MATN2: variants seen among roughly 807,000 people sequenced by gnomAD.
The protein encoded by MATN2 is matrilin-2.
Under a neutral mutation model 103.2 loss-of-function variants are expected in MATN2, and 69 were observed. That is an observed-to-expected ratio of 0.67 (90% CI 0.55 to 0.82). The LOEUF (loss-of-function observed/expected upper bound fraction) is 0.82. Ranked by LOEUF, MATN2 falls within the 40% of genes least tolerant of loss-of-function variation. The probability of loss-of-function intolerance (pLI) is 0.00; values close to 1 mark genes in which losing one functional copy is unlikely to be tolerated. For missense variants in MATN2, 1,023 were observed against 1,211.5 expected (o/e 0.84, Z 2.31); for synonymous variants, 429 against 450.2 (o/e 0.95, Z 0.60).
At chr8:97,941,946 A>T in intron 4 of MATN2, 47 bp downstream of exon 4, 2 of 1,600,096 alleles carry the variant, frequency 1.2e-6, no homozygotes, top group Non-Finnish European at 1.7e-6. Context: ...CTATTCCCTC[A>T]TCCTCTCCCT....
intron 6 of MATN2, among the ~76,000 whole-genome samples, chr8:97,981,015 A>C (rs1451042448): frequency 3.3e-5 from 5 of 149,946 alleles, no homozygotes; most frequent in Admixed American, 2.1e-4. Flanking sequence ...ATTTCTACAA[A>C]AACTGTTTTT....
intron 4 of MATN2, among the ~76,000 whole-genome samples, chr8:97,947,456 A>T (rs982937509): frequency 6.6e-6 from 1 of 152,244 alleles, no homozygotes; most frequent in Non-Finnish European, 1.5e-5. Context: ...AAATTACTTC[A>T]TTGTATTTCT....
At position 98,027,453 on chromosome 8, in the gene MATN2, C is replaced by T. The variant is rs763374430; in HGVS notation, c.1980C>T (p.Ile660=). 12 of 1,611,120 alleles carry T rather than the reference C, an allele frequency of 7.4e-6. No homozygotes were observed. The East Asian group carries it at 8.9e-5, about 12-fold the overall frequency. The change falls in exon 14 of 19, where the codon ATC becomes ATT. Residue 660 remains isoleucine, a synonymous_variant. Transcript: ENST00000254898. ...GCCCAATTGACCTGGTCTTTGTGAT[C>T]GATGGATCCAAGAGTCTTGGAGAAG... ...TEGPIDLVFV[I]DGSKSLGEEN...
At chr8:97,940,291 A>G (rs1810510715) in intron 3 of MATN2, among the ~76,000 whole-genome samples, 1 of 152,210 alleles carries the variant, frequency 6.6e-6, no homozygotes, top group Non-Finnish European at 1.5e-5. Flanking sequence ...AAAAATGAGA[A>G]AACTTCTATT....
At chr8:98,009,733 G>T (rs1439112196) in intron 10 of MATN2, among the ~76,000 whole-genome samples, 2 of 152,194 alleles carry the variant, frequency 1.3e-5, no homozygotes, top group South Asian at 2.1e-4. Flanking sequence ...CTCAGGGTGT[G>T]GGGGGTCGGG....
chr8:98,025,835 A>G lies in MATN2; in HGVS notation c.1943-1581A>G, dbSNP rs1046655040. ...TAACAAAAAGCCTCTCCACACCCAA[A>G]TTGCTTAACATAAAGCTTTTATTTC... On this transcript the variant is annotated intron_variant, in intron 13 of 18. Transcript: ENST00000254898. 6.5e-5 allele frequency: 24 copies of G among 372,008 alleles called. No individual in the cohort carries two copies. In the East Asian group the frequency reaches 1.0e-3, roughly 16 times the overall value. 23.0% of individuals were successfully genotyped at this position (372,008 alleles called of 1,614,324 possible). A position where few individuals can be genotyped will look rare whatever the true frequency, so the allele number is the denominator to read the frequency against.
In MATN2 at chr8:97,914,546, T is replaced by C. The variant is rs966011540; in HGVS notation, c.143-16407T>C. Among the ~76,000 whole-genome samples the C allele has an allele frequency of 5.3e-5, 8 of 151,676 alleles. No homozygotes were observed. In the East Asian group the frequency reaches 1.6e-3, roughly 29 times the overall value. ...CCATTACACCCGGCTACTTTTTTTTTTTTAATCTATTGTAGAGAGGGGGTC... is the reference window on the plus strand; with the variant it reads ...CCATTACACCCGGCTACTTTTTTTTCTTTAATCTATTGTAGAGAGGGGGTC... On this transcript the variant is annotated intron_variant, in intron 2 of 18. Transcript: ENST00000254898.
intron 2 of MATN2, among the ~76,000 whole-genome samples, chr8:97,901,995 A>G (rs913670967): frequency 1.3e-5 from 2 of 152,088 alleles, no homozygotes; most frequent in African/African-American, 4.8e-5. Context: ...AGCTCATAAT[A>G]CTGAGTTACG....
At chr8:97,996,403 G>A (rs1028855262) in intron 7 of MATN2, among the ~76,000 whole-genome samples, 4 of 152,136 alleles carry the variant, frequency 2.6e-5, no homozygotes, top group African/African-American at 7.2e-5. Context: ...TGGTCTGAGC[G>A]CTACAGATTG....
chr8:98,028,631 G>C (rs1480131341), intron 14 of MATN2, among the ~76,000 whole-genome samples: 1 of 151,968 alleles, frequency 6.6e-6, no homozygotes, highest in Non-Finnish European at 1.5e-5. Flanking sequence ...CTGTCACCGA[G>C]GCTGGAGTGC....
chr8:97,881,867 T>C (rs980120215), intron 1 of MATN2, among the ~76,000 whole-genome samples: 3 of 152,194 alleles, frequency 2.0e-5, no homozygotes, highest in Admixed American at 6.5e-5. Context: ...ACTGATTTTA[T>C]GTTGGCATCT....
intron 5 of MATN2, among the ~76,000 whole-genome samples, chr8:97,974,162 C>T (rs1040583835): frequency 6.6e-6 from 1 of 151,910 alleles, no homozygotes; most frequent in African/African-American, 2.4e-5. Context: ...TATTTTGAGA[C>T]AGAATTTCGC....
At chr8:97,908,870 C>T (rs893719354) in intron 2 of MATN2, among the ~76,000 whole-genome samples, 1 of 152,214 alleles carries the variant, frequency 6.6e-6, no homozygotes. Flanking sequence ...CTCAGGTGAT[C>T]CACCGGCCTT....
At chr8:97,962,993 G>T (rs1811363358) in intron 5 of MATN2, among the ~76,000 whole-genome samples, 1 of 152,126 alleles carries the variant, frequency 6.6e-6, no homozygotes, top group South Asian at 2.1e-4. Context: ...AAATTAGCTG[G>T]GTCTGGTAGT....
chr8:97,919,266 G>A (rs1809731277), intron 2 of MATN2, among the ~76,000 whole-genome samples: 1 of 152,170 alleles, frequency 6.6e-6, no homozygotes, highest in South Asian at 2.1e-4. Flanking sequence ...GATTCCCTGG[G>A]TCTAGGGTAC....
At chr8:97,949,972 C>T (rs888780226) in intron 4 of MATN2, among the ~76,000 whole-genome samples, 1 of 152,106 alleles carries the variant, frequency 6.6e-6, no homozygotes, top group Non-Finnish European at 1.5e-5. Flanking sequence ...TCAGTAATGA[C>T]AGAGAGCAGA....
At chr8:97,953,143 G>A (rs892307523) in intron 4 of MATN2, among the ~76,000 whole-genome samples, 2 of 150,162 alleles carry the variant, frequency 1.3e-5, no homozygotes, top group African/African-American at 4.8e-5. Flanking sequence ...GGCTGGTCTT[G>A]ATCCTCCTGC....
chr8:97,917,034 A>G (rs1293263063), intron 2 of MATN2, among the ~76,000 whole-genome samples: 1 of 152,068 alleles, frequency 6.6e-6, no homozygotes, highest in Non-Finnish European at 1.5e-5. Context: ...GACAGTCAGC[A>G]GGGACAACTG....
At position 98,033,121 on chromosome 8, in the gene MATN2, A is replaced by G. The variant is rs376180527; in HGVS notation, c.2661A>G (p.Glu887=). The G allele has an allele frequency of 2.2e-5, 35 of 1,611,048 alleles. No homozygotes were observed. The highest frequency in any genetic ancestry group is 3.3e-4 in the Middle Eastern group (2 of 6,048). Residue 887 remains glutamate (E), a synonymous_variant, in exon 17 of 19, where the codon GAA becomes GAG. Transcript: ENST00000254898. The part of the protein sequence containing the change: ...NFAVQHRYLF[E]EDNLLRSTQK... Reference sequence around the variant, plus strand: ...CAGTGCAACACAGATATCTGTTTGAAGAAGACAATCTTTTACGGTCTACAC... The same window carrying G: ...CAGTGCAACACAGATATCTGTTTGAGGAAGACAATCTTTTACGGTCTACAC...
Sources: gnomAD v4.1 joint callset for allele counts (sites outside exome capture counted in the v4.1 genomes callset) on GRCh38, gnomAD v4.1.1 for gene constraint, MANE v1.5 for transcripts, NCBI Gene and HGNC (gene_info 2026-07-23, HGNC 2026-07-21) for gene names.